Variants in SLC35F1 observed in about 807,000 individuals in gnomAD.
The protein encoded by SLC35F1 is chromosome 6 open reading frame 169.
In SLC35F1, 14 loss-of-function variants were observed where a neutral mutation model predicts 48.7. The ratio of observed to expected loss-of-function variants is 0.29; its 90% confidence interval spans 0.19 to 0.45. The LOEUF (loss-of-function observed/expected upper bound fraction) is 0.45. SLC35F1 is among the 20% of genes least tolerant of loss of function. SLC35F1 has a pLI of 1.00. For missense variants in SLC35F1, 404 were observed against 500.0 expected (o/e 0.81, Z 1.83); for synonymous variants, 190 against 202.2 (o/e 0.94, Z 0.51).
chr6:117,929,471 G>A (rs1562240980), intron 1 of SLC35F1, among the ~76,000 whole-genome samples: 2 of 151,588 alleles, frequency 1.3e-5, no homozygotes, highest in Non-Finnish European at 2.9e-5. Flanking sequence ...GTGTGTGTGT[G>A]TGTGTGTGTG....
At chr6:118,128,777 A>G (rs1264769681) in intron 1 of SLC35F1, among the ~76,000 whole-genome samples, 1 of 151,820 alleles carries the variant, frequency 6.6e-6, no homozygotes, top group Non-Finnish European at 1.5e-5. Context: ...TAACCTGCAC[A>G]TTGTGCACAT....
intron 1 of SLC35F1, among the ~76,000 whole-genome samples, chr6:117,997,596 C>T (rs1299761996): frequency 5.9e-5 from 9 of 152,236 alleles, no homozygotes; most frequent in South Asian, 4.2e-4. Context: ...CTCTACAAGC[C>T]GGAAGAGAGT....
intron 7 of SLC35F1, among the ~76,000 whole-genome samples, chr6:118,306,777 G>A (rs1330369694): frequency 6.6e-6 from 1 of 152,144 alleles, no homozygotes; most frequent in Non-Finnish European, 1.5e-5. Flanking sequence ...TGTGAACAAG[G>A]ATTTCTATCA....
In SLC35F1 at chr6:118,315,719, G is replaced by T. The variant is rs1057489680; in HGVS notation, c.*1467G>T. 3 of 152,426 alleles carry T rather than the reference G, an allele frequency of 2.0e-5. No individual in the cohort carries two copies. Among genetic ancestry groups the T allele is most frequent in the Non-Finnish European group, 4.4e-5 (3 of 68,210 alleles). The allele number at this position is 152,426 out of a possible 1,614,324, so 9.4% of individuals were successfully genotyped here. A position where few individuals can be genotyped will look rare whatever the true frequency, so the allele number is the denominator to read the frequency against. Reference sequence around the variant, plus strand: ...CTCCCGAAGTGCTGGGATTACAGGCGTGAGCCACTGCGCCCGGCCGACACG... The same window carrying T: ...CTCCCGAAGTGCTGGGATTACAGGCTTGAGCCACTGCGCCCGGCCGACACG... On this transcript the variant is annotated 3_prime_UTR_variant, in exon 8 of 8. Coordinates refer to ENST00000360388, the MANE Select transcript of SLC35F1 (RefSeq NM_001029858.4).
At chr6:118,231,363 TTTC>T (rs1241647510) in intron 2 of SLC35F1, among the ~76,000 whole-genome samples, 1 of 152,198 alleles carries the variant, frequency 6.6e-6, no homozygotes, top group African/African-American at 2.4e-5. Context: ...TGTACTGGTG[TTTC>T]TTATAGATGG....
Position 118,315,532 on chromosome 6 carries a change from G to C in SLC35F1, c.*1280G>C, listed in dbSNP as rs546004340. On this transcript the variant is annotated 3_prime_UTR_variant, in exon 8 of 8. Coordinates refer to ENST00000360388, the MANE Select transcript of SLC35F1 (RefSeq NM_001029858.4). ...TCAGCTCACTGCAACCTCCGCCTCC[G>C]GGATTCACACCATTCTCCTGCCTCA... 2.7e-5 allele frequency: 4 copies of C among 148,798 alleles called. No homozygotes were observed. In the South Asian group the frequency reaches 6.4e-4, roughly 24 times the overall value. 9.2% of individuals were successfully genotyped at this position (148,798 alleles called of 1,614,324 possible).
intron 2 of SLC35F1, among the ~76,000 whole-genome samples, chr6:118,201,622 G>A (rs922436168): frequency 3.3e-5 from 5 of 152,176 alleles, no homozygotes; most frequent in Non-Finnish European, 7.3e-5. Context: ...TCTTTATGGA[G>A]ATATAATTAA....
At chr6:118,263,441 T>C (rs1412610685) in intron 3 of SLC35F1, among the ~76,000 whole-genome samples, 1 of 152,182 alleles carries the variant, frequency 6.6e-6, no homozygotes, top group East Asian at 1.9e-4. Flanking sequence ...ATAAAATTCG[T>C]TTAAATCCTT....
intron 1 of SLC35F1, among the ~76,000 whole-genome samples, chr6:118,132,154 T>C (rs1475365209): frequency 8.5e-5 from 13 of 152,180 alleles, no homozygotes; most frequent in African/African-American, 3.1e-4. Context: ...TTGCATCTCC[T>C]TTCTCCTTCC....
intron 4 of SLC35F1, among the ~76,000 whole-genome samples, chr6:118,270,663 C>T (rs191815425): frequency 5.3e-4 from 81 of 152,308 alleles, no homozygotes; most frequent in African/African-American, 1.9e-3. Context: ...CTCTTTGTCA[C>T]CTTGGCTCCA....
At chr6:118,253,143 A>G (rs1234246107) in intron 3 of SLC35F1, among the ~76,000 whole-genome samples, 1 of 152,108 alleles carries the variant, frequency 6.6e-6, no homozygotes, top group East Asian at 1.9e-4. Context: ...TTCAGGGTAA[A>G]TGTGGAACAG....
At chr6:118,265,224 G>A in intron 3 of SLC35F1, among the ~76,000 whole-genome samples, 2 of 152,224 alleles carry the variant, frequency 1.3e-5, no homozygotes, top group East Asian at 3.8e-4. Context: ...CTGATGTTCA[G>A]GGATGCTTTG....
intron 1 of SLC35F1, among the ~76,000 whole-genome samples, chr6:118,123,823 A>C (rs761192095): frequency 1.4e-4 from 21 of 152,158 alleles, no homozygotes; most frequent in Non-Finnish European, 2.9e-4. Context: ...TTCTAGAGGC[A>C]CTTGCTTTTA....
At chr6:118,139,837 T>A (rs1252014663) in intron 1 of SLC35F1, among the ~76,000 whole-genome samples, 1 of 152,226 alleles carries the variant, frequency 6.6e-6, no homozygotes, top group East Asian at 1.9e-4. Flanking sequence ...GCATTATTGC[T>A]GCTGTTATAT....
intron 3 of SLC35F1, among the ~76,000 whole-genome samples, chr6:118,242,986 CCAA>C (rs1427209324): frequency 1.3e-5 from 2 of 152,160 alleles, no homozygotes. Flanking sequence ...GGTAATCCTT[CCAA>C]CACTGATTAT....
chr6:118,283,195 A>G (rs1269759945), intron 6 of SLC35F1, among the ~76,000 whole-genome samples: 1 of 152,104 alleles, frequency 6.6e-6, no homozygotes, highest in Non-Finnish European at 1.5e-5. Context: ...CCTTTCAGGA[A>G]CTTTTCATGT....
intron 1 of SLC35F1, among the ~76,000 whole-genome samples, chr6:118,098,998 G>C (rs1773218698): frequency 6.6e-6 from 1 of 152,110 alleles, no homozygotes; most frequent in Admixed American, 6.5e-5. Flanking sequence ...ATGAATGTTA[G>C]TGTTGGATGG....
chr6:118,013,348 G>T (rs778396334), intron 1 of SLC35F1, among the ~76,000 whole-genome samples: 5 of 152,286 alleles, frequency 3.3e-5, no homozygotes, highest in Admixed American at 6.5e-5. Context: ...GATCTGCAGT[G>T]TATGAATTAC....
rs372745595 is a variant in SLC35F1, at chr6:117,965,300, A to G, written c.173+57401A>G. ...TGCCACAAGTCCAGTGGCCTCCAGGAAAGGACATGCAAGTCATAGTTCACA... is the reference window on the plus strand; with the variant it reads ...TGCCACAAGTCCAGTGGCCTCCAGGGAAGGACATGCAAGTCATAGTTCACA... On this transcript the variant is annotated intron_variant, in intron 1 of 7. Coordinates refer to ENST00000360388, the MANE Select transcript of SLC35F1 (RefSeq NM_001029858.4). Among the ~76,000 whole-genome samples, 10 of 152,292 alleles carry G rather than the reference A, an allele frequency of 6.6e-5. No individual in the cohort carries two copies. The East Asian group carries it at 1.5e-3, about 24-fold the overall frequency.
Sources: allele counts gnomAD v4.1 joint callset (sites outside exome capture counted in the v4.1 genomes callset), GRCh38; gene constraint gnomAD v4.1.1; transcripts MANE v1.5; gene names NCBI Gene and HGNC (gene_info 2026-07-23, HGNC 2026-07-21).